ZNF775: variants seen among roughly 807,000 people sequenced by gnomAD.
ZNF775 encodes zinc finger protein 775.
In ZNF775, 1 loss-of-function variant was observed where a neutral mutation model predicts 2.4. The observed-to-expected ratio is 0.41, with a 90% CI of 0.15 to 1.94. The LOEUF (loss-of-function observed/expected upper bound fraction) is 1.94. Ranked by LOEUF, ZNF775 falls within the 30% of genes most tolerant of loss-of-function variation. ZNF775 has a pLI of 0.30. For synonymous variants in ZNF775, 381 were observed against 373.3 expected, an observed-to-expected ratio of 1.02 and a Z score of -0.24; for missense variants, 823 against 826.6, an observed-to-expected ratio of 1.00 and a Z score of 0.05.
At chr7:150,396,167 G>T (rs777077183) in intron 2 of ZNF775, among the ~76,000 whole-genome samples, 3 of 152,132 alleles carry the variant, frequency 2.0e-5, no homozygotes, top group Non-Finnish European at 4.4e-5. Context: ...CATCTCCTCG[G>T]CCTCAGGGTG....
At chr7:150,392,679 G>A (rs567618882) in intron 2 of ZNF775, among the ~76,000 whole-genome samples, 1 of 151,984 alleles carries the variant, frequency 6.6e-6, no homozygotes, top group East Asian at 1.9e-4. Context: ...GACTACAGGT[G>A]TGCACCACCA....
At chr7:150,386,338 A>G (rs564976722) in intron 1 of ZNF775, among the ~76,000 whole-genome samples, 31 of 152,368 alleles carry the variant, frequency 2.0e-4, no homozygotes, top group Admixed American at 8.5e-4. Flanking sequence ...GATAGAGCTT[A>G]TTAATTAGAA....
intron 1 of ZNF775, chr7:150,383,872 G>C (rs1563256320): frequency 6.6e-6 from 1 of 152,608 alleles, no homozygotes; most frequent in African/African-American, 2.4e-5. Flanking sequence ...GGGCTGGTGG[G>C]AGGTTCCAGG....
At chr7:150,392,562 TC>T (rs1800578405) in intron 2 of ZNF775, among the ~76,000 whole-genome samples, 1 of 151,430 alleles carries the variant, frequency 6.6e-6, no homozygotes, top group Non-Finnish European at 1.5e-5. Flanking sequence ...TCTCTCTCTC[TC>T]TCTCTCTCTC....
intron 1 of ZNF775, among the ~76,000 whole-genome samples, chr7:150,385,607 T>C (rs557222731): frequency 1.3e-4 from 20 of 152,224 alleles, no homozygotes; most frequent in African/African-American, 4.8e-4. Context: ...AGCCGGCAGG[T>C]GCAGCCCGTT....
chr7:150,389,384 G>T lies in ZNF775; in HGVS notation c.31+883G>T, dbSNP rs916042735. On this transcript the variant is annotated intron_variant, in intron 2 of 2. Transcript: ENST00000329630. ...ACTGAGACAAAAATCAGGCAGCGGGGTAAAAGAGAAACGTGGCCGCAAGTG... is the reference window on the plus strand; with the variant it reads ...ACTGAGACAAAAATCAGGCAGCGGGTTAAAAGAGAAACGTGGCCGCAAGTG... 8.5e-5 allele frequency among the ~76,000 whole-genome samples: 13 copies of T among 152,372 alleles called. No homozygotes were observed. The South Asian group carries it at 2.5e-3, about 29-fold the overall frequency.
rs1389522149 is a variant in ZNF775 at position 150,386,811 on chromosome 7, G to A, written c.-49-1611G>A. 3.3e-5 allele frequency among the ~76,000 whole-genome samples: 5 copies of A among 152,222 alleles called. No individual in the cohort carries two copies. In the East Asian group the frequency reaches 9.6e-4, roughly 29 times the overall value. On this transcript the variant is annotated intron_variant, in intron 1 of 2. Coordinates refer to ENST00000329630, the MANE Select transcript of ZNF775 (RefSeq NM_173680.4). ...GCACAGCTCCTGGCCAGGCAGGGCA[G>A]CACATTCCTGCCACCTGCATTTGTT...
At chr7:150,386,992 G>C (rs1354688350) in intron 1 of ZNF775, among the ~76,000 whole-genome samples, 1 of 152,152 alleles carries the variant, frequency 6.6e-6, no homozygotes, top group Non-Finnish European at 1.5e-5. Flanking sequence ...AGTTAGGCTG[G>C]TGACTGTAAA....
chr7:150,387,324 G>A (rs1471498444), intron 1 of ZNF775, among the ~76,000 whole-genome samples: 1 of 151,280 alleles, frequency 6.6e-6, no homozygotes, highest in Non-Finnish European at 1.5e-5. Flanking sequence ...GAAGCACAAG[G>A]GATGCCTGCT....
At position 150,397,996 on chromosome 7, in the gene ZNF775, C is replaced by T. The variant is rs372897443; in HGVS notation, c.1515C>T (p.Pro505=). 2.8e-4 allele frequency: 440 copies of T among 1,589,392 alleles called. 1 individual carries two copies. The Middle Eastern group carries it at 4.3e-3, about 16-fold the overall frequency. ...NHTGERPYLC[P]ACGRGFSQKQ... ...CAGGCGAGCGGCCCTACCTGTGTCC[C>T]GCCTGCGGCCGCGGCTTCAGCCAGA... is the stretch of plus-strand genomic sequence containing the variant. Residue 505 remains proline, a synonymous_variant, in exon 3 of 3, where the codon CCC becomes CCT. Transcript: ENST00000329630.
chr7:150,391,093 T>C (rs1192557232), intron 2 of ZNF775, among the ~76,000 whole-genome samples: 1 of 152,266 alleles, frequency 6.6e-6, no homozygotes, highest in East Asian at 1.9e-4. Context: ...GAGTCTGTTT[T>C]ATAGTCTGGA....
In ZNF775 at chr7:150,388,466, CA is replaced by C; in HGVS notation, c.-4del. ...GCCGGCGCTGATGCTGGGAGGCCTC[CA>C]GGGATGGAGAGTGGCCTGGCTGGCA... On this transcript the variant is annotated 5_prime_UTR_variant, in exon 2 of 3. Transcript: ENST00000329630. 6.4e-7 allele frequency: 1 copy of C among 1,551,678 alleles called. No individual in the cohort carries two copies. Among genetic ancestry groups the C allele is most frequent in the Admixed American group, 2.0e-5 (1 of 50,990 alleles).
Position 150,397,842 on chromosome 7 carries a change from G to A in ZNF775, c.1361G>A (p.Ser454Asn), listed in dbSNP as rs779698536. ...RQFICNECGK[S>N]FSWWSALTIH... ...TTCATCTGCAACGAGTGCGGCAAGAGCTTCTCGTGGTGGTCGGCGCTCACC... is the reference window on the plus strand; with the variant it reads ...TTCATCTGCAACGAGTGCGGCAAGAACTTCTCGTGGTGGTCGGCGCTCACC... The change falls in exon 3 of 3, where the codon AGC becomes AAC. Residue 454 changes from serine (S) to asparagine (N), a missense_variant. Physicochemically the swap from Ser to Asn is conservative, Grantham distance 46. Coordinates refer to ENST00000329630, the MANE Select transcript of ZNF775 (RefSeq NM_173680.4). 3.1e-6 allele frequency: 5 copies of A among 1,601,854 alleles called. 1 individual carries two copies. The South Asian group carries it at 5.5e-5, about 18-fold the overall frequency.
intron 1 of ZNF775, chr7:150,380,150 A>G (rs888763595): frequency 2.0e-5 from 3 of 152,258 alleles, no homozygotes; most frequent in African/African-American, 7.2e-5. Flanking sequence ...GAGGCGGACG[A>G]CAGCCCAAGG....
chr7:150,396,497 C>A lies in ZNF775; in HGVS notation c.32-16C>A. Reference sequence around the variant, plus strand: ...AGTGACCTCTCTCCCTCCTCTCTCCCGCTTGCCTCTGGCAGGAGCTGGGCT... The same window carrying A: ...AGTGACCTCTCTCCCTCCTCTCTCCAGCTTGCCTCTGGCAGGAGCTGGGCT... On this transcript the variant is annotated splice_polypyrimidine_tract_variant and intron_variant, in intron 2 of 2. Transcript: ENST00000329630. The A allele has an allele frequency of 6.4e-7, 1 of 1,570,624 alleles. No individual in the cohort carries two copies. The highest frequency in any genetic ancestry group is 2.3e-5 in the East Asian group (1 of 43,792).
chr7:150,391,706 CTTTTTT>C (rs535705895), intron 2 of ZNF775, among the ~76,000 whole-genome samples: 1 of 73,596 alleles, frequency 1.4e-5, no homozygotes, highest in Admixed American at 1.8e-4. Context: ...TCCTTTCTTT[CTTTTTT>C]TTTTTTTTTT....
intron 2 of ZNF775, among the ~76,000 whole-genome samples, chr7:150,394,477 C>T (rs1174800873): frequency 6.6e-6 from 1 of 152,226 alleles, no homozygotes; most frequent in East Asian, 1.9e-4. Flanking sequence ...TCCTCAAGGA[C>T]AGCCGGCTGA....
chr7:150,384,037 TC>T lies in ZNF775; in HGVS notation c.-49-4381del, dbSNP rs1800409322. Among the ~76,000 whole-genome samples, 1 of 152,186 alleles carries T rather than the reference TC, an allele frequency of 6.6e-6. No homozygotes were observed. The highest frequency in any genetic ancestry group is 2.4e-5 in the African/African-American group (1 of 41,448). ...GCCTCTCCACCTGCTGCTAGCTCAA[TC>T]CCCTCTTTGTGTGGTTGGTCTTCAG... On this transcript the variant is annotated intron_variant, in intron 1 of 2. Coordinates refer to ENST00000329630, the MANE Select transcript of ZNF775 (RefSeq NM_173680.4). The surrounding 1 kb of genome is among the most constrained non-coding windows in gnomAD (Gnocchi z 4.1).
At position 150,397,994 on chromosome 7, in the gene ZNF775, C is replaced by G; in HGVS notation, c.1513C>G (p.Pro505Ala). ...CACAGGCGAGCGGCCCTACCTGTGT[C>G]CCGCCTGCGGCCGCGGCTTCAGCCA... ...NHTGERPYLC[P>A]ACGRGFSQKQ... The change falls in exon 3 of 3, where the codon CCC becomes GCC. Residue 505 changes from proline to alanine, a missense_variant. Pro to Ala is a conservative substitution (Grantham distance 27). Transcript: ENST00000329630. 1 of 1,594,258 alleles carries G rather than the reference C, an allele frequency of 6.3e-7. No individual in the cohort carries two copies. The highest frequency in any genetic ancestry group is 1.3e-5 in the African/African-American group (1 of 74,830).
Sources: gnomAD v4.1 joint callset for allele counts (sites outside exome capture counted in the v4.1 genomes callset) on GRCh38, gnomAD v4.1.1 for gene constraint, Gnocchi (gnomAD v3.1) non-coding constraint, MANE v1.5 for transcripts, NCBI Gene and HGNC (gene_info 2026-07-23, HGNC 2026-07-21) for gene names.